The following CTIF variants were observed in gnomAD, a reference collection of about 807,000 sequenced individuals.
CTIF encodes CBP80/20-dependent translation initiation factor.
A neutral mutation model predicts 66.0 loss-of-function variants in CTIF; 21 were observed. That is an observed-to-expected ratio of 0.32 (90% CI 0.23 to 0.46). CTIF has a LOEUF of 0.46. Among genes scored for constraint, CTIF ranks in the 20% least tolerant of loss-of-function variants. CTIF has a pLI of 1.00. For synonymous variants in CTIF, 345 were observed against 326.4 expected (o/e 1.06, Z -0.62); for missense variants, 739 against 812.7 (o/e 0.91, Z 1.10).
chr18:48,621,889 G>A (rs184941201), intron 2 of CTIF, among the ~76,000 whole-genome samples: 1 of 152,298 alleles, frequency 6.6e-6, no homozygotes, highest in Admixed American at 6.5e-5. Flanking sequence ...GGCAAGTCAG[G>A]GGTTGCTGGA....
chr18:48,671,468 TCTC>T (rs916643187), intron 6 of CTIF, among the ~76,000 whole-genome samples: 15 of 152,188 alleles, frequency 9.9e-5, no homozygotes, highest in African/African-American at 3.4e-4. Flanking sequence ...TCCTGATTCT[TCTC>T]CTGCTATTTT....
chr18:48,754,212 T>G (rs1424576604), intron 7 of CTIF, among the ~76,000 whole-genome samples: 2 of 152,098 alleles, frequency 1.3e-5, no homozygotes, highest in East Asian at 3.9e-4. Context: ...GTCACTGCGG[T>G]CCTTGTCCCT....
intron 10 of CTIF, among the ~76,000 whole-genome samples, chr18:48,856,929 GA>G (rs1245164655): frequency 6.6e-6 from 1 of 152,246 alleles, no homozygotes; most frequent in Non-Finnish European, 1.5e-5. Flanking sequence ...CAATTTAAAA[GA>G]GACAGAGAGA....
chr18:48,780,872 G>A (rs966674627), intron 9 of CTIF, among the ~76,000 whole-genome samples: 10 of 152,156 alleles, frequency 6.6e-5, no homozygotes, highest in South Asian at 4.1e-4. Flanking sequence ...GGAGGGGGGC[G>A]TGCTGATAGC....
intron 3 of CTIF, among the ~76,000 whole-genome samples, chr18:48,645,782 T>C (rs2091019946): frequency 6.6e-6 from 1 of 152,142 alleles, no homozygotes; most frequent in African/African-American, 2.4e-5. Context: ...CACATGGGGA[T>C]CCGGAACTCC....
intron 1 of CTIF, among the ~76,000 whole-genome samples, chr18:48,550,034 G>T (rs1453417438): frequency 6.6e-6 from 1 of 152,028 alleles, no homozygotes; most frequent in Admixed American, 6.6e-5. Flanking sequence ...CCACCAACCT[G>T]GTTTATATCA....
chr18:48,626,979 A>G (rs2090616423), intron 2 of CTIF, among the ~76,000 whole-genome samples: 1 of 152,194 alleles, frequency 6.6e-6, no homozygotes, highest in Non-Finnish European at 1.5e-5. Context: ...TTAATAGGAT[A>G]AAATTTTATT....
intron 3 of CTIF, among the ~76,000 whole-genome samples, chr18:48,646,138 G>A (rs2091026893): frequency 6.6e-6 from 1 of 152,180 alleles, no homozygotes; most frequent in Non-Finnish European, 1.5e-5. Flanking sequence ...AAGTTACAGA[G>A]AGGGAGAAAA....
chr18:48,776,091 C>A (rs1380847068), intron 9 of CTIF, among the ~76,000 whole-genome samples: 1 of 152,254 alleles, frequency 6.6e-6, no homozygotes, highest in African/African-American at 2.4e-5. Context: ...GAATCTGCGA[C>A]CCTGGCCAGG....
At chr18:48,741,785 G>A (rs1388319191) in intron 7 of CTIF, among the ~76,000 whole-genome samples, 1 of 152,072 alleles carries the variant, frequency 6.6e-6, no homozygotes, top group Non-Finnish European at 1.5e-5. Context: ...TGGACTTATG[G>A]GGCTGAGAGC....
At chr18:48,656,803 C>T (rs777501592) in intron 3 of CTIF, among the ~76,000 whole-genome samples, 4 of 151,984 alleles carry the variant, frequency 2.6e-5, no homozygotes, top group Non-Finnish European at 5.9e-5. Context: ...TTTCAGCAAC[C>T]GGGGGGGCAG....
intron 7 of CTIF, among the ~76,000 whole-genome samples, chr18:48,755,363 A>G (rs936481197): frequency 6.6e-6 from 1 of 151,728 alleles, no homozygotes; most frequent in African/African-American, 2.4e-5. Flanking sequence ...GGGCTTTCCA[A>G]TGGGGGTTGC....
At chr18:48,831,148 G>A (rs2068683132) in intron 10 of CTIF, among the ~76,000 whole-genome samples, 1 of 152,210 alleles carries the variant, frequency 6.6e-6, no homozygotes, top group Non-Finnish European at 1.5e-5. Context: ...GAACGGGAAA[G>A]GGAAAAGAAA....
At chr18:48,844,773 C>A (rs538952483) in intron 10 of CTIF, among the ~76,000 whole-genome samples, 1 of 152,196 alleles carries the variant, frequency 6.6e-6, no homozygotes, top group African/African-American at 2.4e-5. Flanking sequence ...CAGGCAAGAG[C>A]GATTAACATA....
chr18:48,815,338 G>A (rs1408393091), intron 9 of CTIF, among the ~76,000 whole-genome samples: 1 of 152,116 alleles, frequency 6.6e-6, no homozygotes, highest in Non-Finnish European at 1.5e-5. Flanking sequence ...TCATAGTCAT[G>A]GGCAAGTTAC....
chr18:48,846,541 A>G (rs902668759), intron 10 of CTIF, among the ~76,000 whole-genome samples: 172 of 100,180 alleles, frequency 1.7e-3, no homozygotes, highest in African/African-American at 4.5e-3. Context: ...ATGGATGGAT[A>G]GGTGAATAGA....
At chr18:48,661,028 C>T (rs35773940) in intron 3 of CTIF, among the ~76,000 whole-genome samples, 12,864 of 152,282 alleles carry the variant, frequency 0.084, 601 homozygotes, top group Middle Eastern at 0.12. Flanking sequence ...GCAGTAGGGT[C>T]GTGCTTCCTC....
intron 3 of CTIF, among the ~76,000 whole-genome samples, chr18:48,645,962 C>T (rs920240696): frequency 1.3e-5 from 2 of 152,194 alleles, no homozygotes; most frequent in Non-Finnish European, 2.9e-5. Flanking sequence ...AAATATGACT[C>T]TCTCATGAGC....
chr18:48,591,070 C>G (rs1245428011), intron 1 of CTIF, among the ~76,000 whole-genome samples: 2 of 152,200 alleles, frequency 1.3e-5, no homozygotes, highest in Non-Finnish European at 2.9e-5. Context: ...TATTTCCAAA[C>G]CAACCTGGGA....
Sources: allele counts gnomAD v4.1 joint callset (sites outside exome capture counted in the v4.1 genomes callset), GRCh38; gene constraint gnomAD v4.1.1; transcripts MANE v1.5; gene names NCBI Gene and HGNC (gene_info 2026-07-23, HGNC 2026-07-21).